Variants in CDK19 observed in about 807,000 individuals in gnomAD.
CDK19 encodes the protein cyclin dependent kinase 19, also known as cyclin-dependent kinase 19.
Under a neutral mutation model 68.3 loss-of-function variants are expected in CDK19, and 20 were observed. The observed-to-expected ratio is 0.29, with a 90% CI of 0.21 to 0.43. CDK19 has a LOEUF of 0.43. Ranked by LOEUF, CDK19 falls within the 20% of genes least tolerant of loss-of-function variation. The probability of loss-of-function intolerance (pLI) is 1.00; values close to 1 mark genes in which losing one functional copy is unlikely to be tolerated. For missense variants in CDK19, 339 were observed against 623.5 expected (o/e 0.54, Z 4.86); for synonymous variants, 221 against 222.8 (o/e 0.99, Z 0.07).
chr6:110,815,285 C>T lies in CDK19; in HGVS notation c.-149G>A. The T allele has an allele frequency of 1.1e-6, 1 of 907,630 alleles. No individual in the cohort carries two copies. Among genetic ancestry groups the T allele is most frequent in the Non-Finnish European group, 1.5e-6 (1 of 670,044 alleles). 56.2% of individuals were successfully genotyped at this position (907,630 alleles called of 1,614,324 possible). ...GCCCGCCGCCCGCCGCTCCGCGGTC[C>T]GCCTTCAGCAAGGGACTCCTCGGCG... On this transcript the variant is annotated 5_prime_UTR_variant, in exon 1 of 13. Transcript: ENST00000368911.
Position 110,730,648 on chromosome 6 carries a change from T to C in CDK19, c.204+15478A>G, listed in dbSNP as rs142770794. On this transcript the variant is annotated intron_variant, in intron 2 of 12. Coordinates refer to ENST00000368911, the MANE Select transcript of CDK19 (RefSeq NM_015076.5). ...GTACCAGCTGCTATTCAACAATTCA[T>C]GTATGTTTGTAATTAAATTTCTTCT... Among the ~76,000 whole-genome samples, 20 of 152,366 alleles carry C rather than the reference T, an allele frequency of 1.3e-4. No individual in the cohort carries two copies. The East Asian group carries it at 2.9e-3, about 22-fold the overall frequency.
intron 1 of CDK19, among the ~76,000 whole-genome samples, chr6:110,752,105 T>C (rs923009497): frequency 5.9e-5 from 9 of 152,200 alleles, no homozygotes; most frequent in Admixed American, 2.0e-4. Flanking sequence ...TTCTGAATTA[T>C]TCAGTATCAT....
intron 4 of CDK19, among the ~76,000 whole-genome samples, chr6:110,641,855 A>G (rs1170162590): frequency 1.3e-5 from 2 of 152,188 alleles, no homozygotes; most frequent in Non-Finnish European, 2.9e-5. Flanking sequence ...ACAAAAATGA[A>G]GAGTTTTCAG....
At chr6:110,627,221 T>C (rs1201238120) in intron 6 of CDK19, 76 bp from the exon 7 acceptor site, 1 of 1,074,758 alleles carries the variant, frequency 9.3e-7, no homozygotes, top group Non-Finnish European at 1.3e-6. Context: ...AGCCTACTTA[T>C]AAAAATACTT....
intron 1 of CDK19, among the ~76,000 whole-genome samples, chr6:110,759,454 T>TATA (rs1163760742): frequency 8.9e-6 from 1 of 111,754 alleles, no homozygotes; most frequent in African/African-American, 3.3e-5. Flanking sequence ...TATATATAAA[T>TATA]TAGCCAGGCA....
chr6:110,806,340 CAA>C (rs57577772), intron 1 of CDK19, among the ~76,000 whole-genome samples: 2 of 141,874 alleles, frequency 1.4e-5, no homozygotes, highest in Non-Finnish European at 1.5e-5. Flanking sequence ...AACTCCATCT[CAA>C]AAAAAAAAAA....
rs371559343 is a variant in CDK19, at chr6:110,815,158, C to G, written c.-22G>C. On this transcript the variant is annotated 5_prime_UTR_variant, in exon 1 of 13. Coordinates refer to ENST00000368911, the MANE Select transcript of CDK19 (RefSeq NM_015076.5). ...CCATTGTCTGCTTCCCCCATAGAGG[C>G]ACGGGACGCGGGGGCCGCCGCCGCT... 6 of 1,569,210 alleles carry G rather than the reference C, an allele frequency of 3.8e-6. No homozygotes were observed. Among genetic ancestry groups the G allele is most frequent in the Non-Finnish European group, 5.2e-6 (6 of 1,159,480 alleles).
intron 2 of CDK19, among the ~76,000 whole-genome samples, chr6:110,733,975 A>G (rs2114810499): frequency 6.6e-6 from 1 of 152,090 alleles, no homozygotes; most frequent in Admixed American, 6.6e-5. Flanking sequence ...GTTTACTTTA[A>G]AAATTATTAT....
chr6:110,804,218 T>C (rs1782522037), intron 1 of CDK19, among the ~76,000 whole-genome samples: 1 of 152,156 alleles, frequency 6.6e-6, no homozygotes, highest in Admixed American at 6.5e-5. Flanking sequence ...ACTGAGATCA[T>C]CCATCACAAA....
intron 1 of CDK19, among the ~76,000 whole-genome samples, chr6:110,758,534 T>C (rs1778983100): frequency 6.6e-6 from 1 of 152,230 alleles, no homozygotes; most frequent in African/African-American, 2.4e-5. Context: ...AGGAGCTAAG[T>C]ACTTTGCAAA....
intron 1 of CDK19, 147 bp from the exon 2 acceptor site, chr6:110,746,348 T>C: frequency 2.1e-6 from 1 of 478,148 alleles, no homozygotes; most frequent in Non-Finnish European, 3.7e-6. Context: ...TTTTTGATAA[T>C]ATTTCAACTA....
intron 2 of CDK19, among the ~76,000 whole-genome samples, chr6:110,703,699 G>C (rs1295001437): frequency 1.3e-5 from 2 of 152,088 alleles, no homozygotes; most frequent in Non-Finnish European, 2.9e-5. Flanking sequence ...AATTAGCCAG[G>C]TATGGTGGCA....
chr6:110,700,190 T>C (rs918689651), intron 2 of CDK19, among the ~76,000 whole-genome samples: 1 of 152,214 alleles, frequency 6.6e-6, no homozygotes, highest in Non-Finnish European at 1.5e-5. Flanking sequence ...CCAGATAGAA[T>C]CATCTTGTTG....
At chr6:110,647,898 C>T (rs572216097) in intron 4 of CDK19, among the ~76,000 whole-genome samples, 7 of 152,174 alleles carry the variant, frequency 4.6e-5, no homozygotes, top group African/African-American at 1.7e-4. Context: ...TATTAGTAAA[C>T]CAAATCCATC....
chr6:110,790,280 A>G (rs1781499717), intron 1 of CDK19, among the ~76,000 whole-genome samples: 1 of 152,228 alleles, frequency 6.6e-6, no homozygotes, highest in Admixed American at 6.5e-5. Flanking sequence ...TCACGCCTGT[A>G]ATCCCAGCAC....
At chr6:110,742,669 G>A (rs113482872) in intron 2 of CDK19, among the ~76,000 whole-genome samples, 13 of 152,260 alleles carry the variant, frequency 8.5e-5, no homozygotes, top group African/African-American at 3.1e-4. Flanking sequence ...GGGAGTGTCT[G>A]TCTTATGCAG....
intron 2 of CDK19, among the ~76,000 whole-genome samples, chr6:110,711,721 A>C (rs886208225): frequency 6.6e-6 from 1 of 152,274 alleles, no homozygotes; most frequent in Non-Finnish European, 1.5e-5. Flanking sequence ...CAATCCCAGC[A>C]CTTTGGGAGG....
At chr6:110,628,392 G>A (rs538671760) in intron 6 of CDK19, among the ~76,000 whole-genome samples, 71 of 152,250 alleles carry the variant, frequency 4.7e-4, no homozygotes, top group Middle Eastern at 6.8e-3. Flanking sequence ...ACTGCAGTTC[G>A]AAAATATTAA....
chr6:110,785,442 A>G (rs990666653), intron 1 of CDK19, among the ~76,000 whole-genome samples: 3 of 152,234 alleles, frequency 2.0e-5, no homozygotes, highest in African/African-American at 4.8e-5. Flanking sequence ...TTTATTATAT[A>G]CTGTATTCTT....
Sources: allele counts gnomAD v4.1 joint callset (sites outside exome capture counted in the v4.1 genomes callset), GRCh38; gene constraint gnomAD v4.1.1; transcripts MANE v1.5; gene names NCBI Gene and HGNC (gene_info 2026-07-23, HGNC 2026-07-21).